DLG2: variants seen among roughly 807,000 people sequenced by gnomAD.
DLG2 encodes the protein discs large MAGUK scaffold protein 2.
A neutral mutation model predicts 132.5 loss-of-function variants in DLG2; 45 were observed. That is an observed-to-expected ratio of 0.34 (90% confidence interval 0.27 to 0.44). DLG2 has a LOEUF of 0.44. Among genes scored for constraint, DLG2 ranks in the 20% least tolerant of loss-of-function variants. DLG2 has a pLI of 1.00. For missense variants in DLG2, 1,045 were observed against 1,196.9 expected, an observed-to-expected ratio of 0.87 and a Z score of 1.87; for synonymous variants, 424 against 419.6, an observed-to-expected ratio of 1.01 and a Z score of -0.13.
intron 8 of DLG2, among the ~76,000 whole-genome samples, chr11:84,188,524 A>T (rs1406525754): frequency 6.6e-6 from 1 of 152,018 alleles, no homozygotes; most frequent in African/African-American, 2.4e-5. Context: ...TTGTTTTTTA[A>T]CTCCTGGTTC....
chr11:85,036,198 G>A (rs986344812), intron 6 of DLG2, among the ~76,000 whole-genome samples: 9 of 152,100 alleles, frequency 5.9e-5, no homozygotes, highest in African/African-American at 1.9e-4. Context: ...TCAGGTTTTT[G>A]TTGAAATGTT....
intron 11 of DLG2, among the ~76,000 whole-genome samples, chr11:84,047,617 A>G (rs1269163099): frequency 6.6e-6 from 1 of 151,664 alleles, no homozygotes; most frequent in Non-Finnish European, 1.5e-5. Context: ...CCAAAAGTAC[A>G]TTTAGTACAG....
At chr11:84,425,654 A>T (rs1412091345) in intron 7 of DLG2, among the ~76,000 whole-genome samples, 1 of 152,144 alleles carries the variant, frequency 6.6e-6, no homozygotes, top group Non-Finnish European at 1.5e-5. Context: ...ACAAGAGACA[A>T]AATCATCCTA....
chr11:85,059,501 T>G (rs999208986), intron 6 of DLG2, among the ~76,000 whole-genome samples: 1 of 151,684 alleles, frequency 6.6e-6, no homozygotes, highest in Non-Finnish European at 1.5e-5. Context: ...GAAAGCAAAC[T>G]AATATCCATC....
intron 7 of DLG2, among the ~76,000 whole-genome samples, chr11:84,370,544 A>G (rs1445192660): frequency 6.6e-6 from 1 of 152,174 alleles, no homozygotes; most frequent in African/African-American, 2.4e-5. Context: ...ACTGATGCTG[A>G]AAGTGAGGTG....
chr11:83,608,002 A>G (rs1241050815), intron 19 of DLG2, among the ~76,000 whole-genome samples: 1 of 152,054 alleles, frequency 6.6e-6, no homozygotes, highest in Non-Finnish European at 1.5e-5. Flanking sequence ...ATGGGGCATG[A>G]GGACGTCTTA....
rs1292636316 is a variant in DLG2, at chr11:84,883,308, AG to A, written c.357+228352del. 1.0e-4 allele frequency among the ~76,000 whole-genome samples: 15 copies of A among 147,518 alleles called. 1 individual carries two copies. Among genetic ancestry groups the A allele is most frequent in the Admixed American group, 1.0e-3 (15 of 14,818 alleles). On this transcript the variant is annotated intron_variant, in intron 6 of 27. Transcript: ENST00000376104. ...GGAACCTCATACACTGGGGCCTGTT[AG>A]GGGGTGGGGGACAAGGGGAGGGATA...
At chr11:85,063,356 A>C (rs2064391862) in intron 6 of DLG2, among the ~76,000 whole-genome samples, 1 of 151,830 alleles carries the variant, frequency 6.6e-6, no homozygotes, top group Non-Finnish European at 1.5e-5. Context: ...AAATTCTCTC[A>C]TAGTCCACTG....
chr11:83,730,454 A>G (rs998690477), intron 18 of DLG2, among the ~76,000 whole-genome samples: 1 of 152,142 alleles, frequency 6.6e-6, no homozygotes, highest in Non-Finnish European at 1.5e-5. Context: ...GCTAAAGACA[A>G]TCAAGAAGAA....
At chr11:84,400,542 C>T (rs1385817807) in intron 7 of DLG2, among the ~76,000 whole-genome samples, 1 of 152,152 alleles carries the variant, frequency 6.6e-6, no homozygotes, top group South Asian at 2.1e-4. Flanking sequence ...GGCTCCTATG[C>T]CCACTCTAAC....
chr11:85,284,697 C>G (rs72950153), intron 4 of DLG2, among the ~76,000 whole-genome samples: 1 of 151,870 alleles, frequency 6.6e-6, no homozygotes, highest in South Asian at 2.1e-4. Context: ...ACTCTAATTG[C>G]TTTATATTTA....
chr11:83,714,310 AAG>A (rs1463940599), intron 18 of DLG2, among the ~76,000 whole-genome samples: 1 of 152,096 alleles, frequency 6.6e-6, no homozygotes, highest in African/African-American at 2.4e-5. Context: ...GATAAAGAAA[AAG>A]AGGAAAAGAA....
intron 3 of DLG2, among the ~76,000 whole-genome samples, chr11:85,540,678 G>A (rs2075905148): frequency 6.6e-6 from 1 of 152,230 alleles, no homozygotes; most frequent in Admixed American, 6.5e-5. Context: ...AACACAAGCT[G>A]CCTACAGACA....
chr11:83,832,337 G>A (rs1276814307), intron 17 of DLG2, among the ~76,000 whole-genome samples: 2 of 152,164 alleles, frequency 1.3e-5, no homozygotes, highest in African/African-American at 4.8e-5. Context: ...TGTGGTGATG[G>A]TTTCATGTGT....
intron 19 of DLG2, among the ~76,000 whole-genome samples, chr11:83,560,890 T>C (rs1174697435): frequency 6.6e-6 from 1 of 152,168 alleles, no homozygotes; most frequent in Admixed American, 6.5e-5. Flanking sequence ...TAAGGAAATA[T>C]CTGAGACTGG....
chr11:83,715,470 G>A (rs184926830), intron 18 of DLG2, among the ~76,000 whole-genome samples: 1 of 152,194 alleles, frequency 6.6e-6, no homozygotes, highest in Admixed American at 6.5e-5. Flanking sequence ...CACTAAAGAG[G>A]CAAGAGAGCA....
At chr11:85,202,936 T>TA (rs901324751) in intron 4 of DLG2, among the ~76,000 whole-genome samples, 15 of 151,386 alleles carry the variant, frequency 9.9e-5, no homozygotes, top group East Asian at 1.9e-4. Context: ...AATATCTACA[T>TA]AAAAAATCTA....
intron 17 of DLG2, among the ~76,000 whole-genome samples, chr11:83,803,521 T>C (rs1303771154): frequency 2.0e-5 from 3 of 152,182 alleles, no homozygotes; most frequent in Admixed American, 1.3e-4. Context: ...TGAACCTTAT[T>C]ATTTTGTTCA....
chr11:85,357,076 C>T (rs2083758385), intron 3 of DLG2, among the ~76,000 whole-genome samples: 1 of 151,978 alleles, frequency 6.6e-6, no homozygotes, highest in Non-Finnish European at 1.5e-5. Context: ...CAAGTAGGTG[C>T]TCAATAAATT....
Sources: gnomAD v4.1 joint callset for allele counts (sites outside exome capture counted in the v4.1 genomes callset) on GRCh38, gnomAD v4.1.1 for gene constraint, MANE v1.5 for transcripts, NCBI Gene and HGNC (gene_info 2026-07-23, HGNC 2026-07-21) for gene names.